The following CDC27 variants were observed in gnomAD, a reference collection of about 807,000 sequenced individuals.
CDC27 encodes the protein cell division cycle protein 27 homolog.
In CDC27, 27 loss-of-function variants were observed where a neutral mutation model predicts 109.7. The observed-to-expected ratio is 0.25, with a 90% confidence interval of 0.18 to 0.34. The LOEUF is 0.34. CDC27 is among the 10% of genes least tolerant of loss of function. CDC27 has a pLI of 1.00. For missense variants in CDC27, 579 were observed against 960.2 expected, an observed-to-expected ratio of 0.60 and a Z score of 5.25; for synonymous variants, 266 against 333.9, an observed-to-expected ratio of 0.80 and a Z score of 2.22.
rs550123963 is a variant in CDC27 at position 47,137,560 on chromosome 17, T to G, written c.1705-200A>C. Reference sequence around the variant, plus strand: ...CTAAAATTTATTTGTAAAACCAAAATCAATACTTGCAGTGCTTTCATAGTC... The same window carrying G: ...CTAAAATTTATTTGTAAAACCAAAAGCAATACTTGCAGTGCTTTCATAGTC... On this transcript the variant is annotated intron_variant, in intron 13 of 18. Coordinates refer to ENST00000066544, the MANE Select transcript of CDC27 (RefSeq NM_001256.6). Among the ~76,000 whole-genome samples the G allele has an allele frequency of 1.5e-4, 23 of 152,332 alleles. No homozygotes were observed. The South Asian group carries it at 2.3e-3, about 15-fold the overall frequency.
intron 14 of CDC27, among the ~76,000 whole-genome samples, chr17:47,133,028 T>TATACACACACACACAC (rs1555783886): frequency 6.7e-5 from 2 of 29,822 alleles, no homozygotes; most frequent in African/African-American, 2.9e-4. Context: ...TATATATATA[T>TATACACACACACACAC]ACACACACAC....
chr17:47,174,195 C>G (rs2063908666), intron 2 of CDC27, among the ~76,000 whole-genome samples: 1 of 152,212 alleles, frequency 6.6e-6, no homozygotes, highest in South Asian at 2.1e-4. Context: ...TCACAAGTAA[C>G]TTGGCAGCAG....
chr17:47,181,393 T>C, intron 2 of CDC27, 169 bp downstream of exon 2: 1 of 395,064 alleles, frequency 2.5e-6, no homozygotes, highest in Non-Finnish European at 4.6e-6. Flanking sequence ...TTATTAAAAG[T>C]AGTATGTAAG....
intron 14 of CDC27, among the ~76,000 whole-genome samples, chr17:47,133,728 G>GCCA (rs1390220823): frequency 1.3e-5 from 2 of 152,104 alleles, no homozygotes; most frequent in Non-Finnish European, 2.9e-5. Flanking sequence ...ACAGGCATGA[G>GCCA]CCACCACACC....
At chr17:47,166,953 C>T (rs542949853) in intron 4 of CDC27, among the ~76,000 whole-genome samples, 44 of 152,298 alleles carry the variant, frequency 2.9e-4, no homozygotes, top group African/African-American at 1.0e-3. Flanking sequence ...CTCCCAGGTT[C>T]AAGCAATTCT....
In CDC27 at chr17:47,136,490, T is replaced by C. The variant is rs574929688; in HGVS notation, c.1913+662A>G. On this transcript the variant is annotated intron_variant, in intron 14 of 18. Coordinates refer to ENST00000066544, the MANE Select transcript of CDC27 (RefSeq NM_001256.6). ...TTCAGAATTATACCTTATCTTGATA[T>C]TTAAACTATTAAGTCAGTCCAGAAA... Among the ~76,000 whole-genome samples, 16 of 152,314 alleles carry C rather than the reference T, an allele frequency of 1.1e-4. No homozygotes were observed. In the East Asian group the frequency reaches 2.5e-3, roughly 24 times the overall value.
chr17:47,145,875 C>T (rs1311989303), intron 9 of CDC27, among the ~76,000 whole-genome samples: 3 of 150,844 alleles, frequency 2.0e-5, no homozygotes, highest in Non-Finnish European at 4.4e-5. Context: ...GCAGCCTGGG[C>T]GACAACAGCG....
At chr17:47,166,744 G>T (rs1410397325) in intron 4 of CDC27, among the ~76,000 whole-genome samples, 1 of 152,140 alleles carries the variant, frequency 6.6e-6, no homozygotes, top group Non-Finnish European at 1.5e-5. Context: ...TTCGCTGTAA[G>T]ACTTTAGCAA....
intron 2 of CDC27, among the ~76,000 whole-genome samples, chr17:47,178,021 G>C (rs1241273090): frequency 6.6e-6 from 1 of 152,128 alleles, no homozygotes; most frequent in East Asian, 1.9e-4. Context: ...TTGGTCAAGG[G>C]GATCAGGTAT....
intron 7 of CDC27, among the ~76,000 whole-genome samples, chr17:47,155,718 C>T (rs777682376): frequency 1.1e-4 from 17 of 152,136 alleles, no homozygotes; most frequent in South Asian, 6.2e-4. Context: ...TGGGAGGCCA[C>T]AGCAGGAGGA....
chr17:47,176,562 T>C (rs1392685746), intron 2 of CDC27, among the ~76,000 whole-genome samples: 2 of 152,024 alleles, frequency 1.3e-5, no homozygotes, highest in Non-Finnish European at 2.9e-5. Flanking sequence ...AAAATGGCAA[T>C]ATATGAGGAG....
At chr17:47,143,581 G>C (rs1217121108) in intron 10 of CDC27, among the ~76,000 whole-genome samples, 1 of 152,028 alleles carries the variant, frequency 6.6e-6, no homozygotes, top group Admixed American at 6.5e-5. Context: ...ATCCTCCCTA[G>C]AGGCCTAACT....
At chr17:47,179,225 AGC>A (rs1258731542) in intron 2 of CDC27, among the ~76,000 whole-genome samples, 7 of 152,214 alleles carry the variant, frequency 4.6e-5, no homozygotes, top group Non-Finnish European at 1.0e-4. Context: ...CAACTGCTTT[AGC>A]CTCATGCCTT....
intron 8 of CDC27, among the ~76,000 whole-genome samples, chr17:47,153,992 G>A (rs1428651735): frequency 6.6e-6 from 1 of 151,742 alleles, no homozygotes; most frequent in East Asian, 1.9e-4. Context: ...GGGAGGCTAA[G>A]GTGGAAGGAT....
At chr17:47,168,361 T>C (rs1382431788) in intron 4 of CDC27, among the ~76,000 whole-genome samples, 1 of 152,158 alleles carries the variant, frequency 6.6e-6, no homozygotes, top group Non-Finnish European at 1.5e-5. Flanking sequence ...CAAAAAGATA[T>C]CACTTTGGAG....
rs1385308917 is a variant in CDC27 at position 47,119,482 on chromosome 17, G to GT, written c.*1452dup. ...TTCACAGCTTGACTAACAAATACAG[G>GT]TAAGTTTGTCCTCCATCAAATAATC... is the stretch of plus-strand genomic sequence containing the variant. On this transcript the variant is annotated 3_prime_UTR_variant, in exon 19 of 19. Coordinates refer to ENST00000066544, the MANE Select transcript of CDC27 (RefSeq NM_001256.6). 6.6e-6 allele frequency: 1 copy of GT among 152,080 alleles called. No individual in the cohort carries two copies. Among genetic ancestry groups the GT allele is most frequent in the African/African-American group, 2.4e-5 (1 of 41,406 alleles). 9.4% of individuals were successfully genotyped at this position (152,080 alleles called of 1,614,324 possible).
chr17:47,136,007 T>G (rs1264864032), intron 14 of CDC27, among the ~76,000 whole-genome samples: 1 of 152,110 alleles, frequency 6.6e-6, no homozygotes, highest in South Asian at 2.1e-4. Context: ...CCGGGCATGG[T>G]GGCAGGCACC....
At chr17:47,186,892 G>T (rs1232679108) in intron 1 of CDC27, among the ~76,000 whole-genome samples, 1 of 151,762 alleles carries the variant, frequency 6.6e-6, no homozygotes, top group South Asian at 2.1e-4. Context: ...CCAAATACAC[G>T]CAATCTGTCA....
Position 47,172,024 on chromosome 17 carries a change from A to G in CDC27, c.144T>C (p.Tyr48=), listed in dbSNP as rs2063826277. ...CTTTATATGCCTTTCCTGAGCGGTA[A>G]TAACAGGTTGCCAGTAAAAACAAGG... ...EEALFLLATC[Y]YRSGKAYKAY... The change falls in exon 3 of 19, where the codon TAT becomes TAC. Residue 48 remains tyrosine (Y), a synonymous_variant. Transcript: ENST00000066544. 2.5e-6 allele frequency: 4 copies of G among 1,592,926 alleles called. No homozygotes were observed. In the African/African-American group the frequency reaches 5.4e-5, roughly 21 times the overall value.
Sources: allele counts gnomAD v4.1 joint callset (sites outside exome capture counted in the v4.1 genomes callset), GRCh38; gene constraint gnomAD v4.1.1; transcripts MANE v1.5; gene names NCBI Gene and HGNC (gene_info 2026-07-23, HGNC 2026-07-21).